Variants in PSMA1 observed in about 807,000 individuals in gnomAD.
PSMA1 encodes the protein proteasome subunit alpha type-1.
PSMA1 carries 3 observed loss-of-function variants against 38.4 expected under a neutral mutation model. The observed-to-expected ratio is 0.08, with a 90% confidence interval of 0.04 to 0.20. The LOEUF is 0.20. Among genes scored for constraint, PSMA1 ranks in the 10% least tolerant of loss-of-function variants. PSMA1 has a pLI of 1.00. For synonymous variants in PSMA1, 101 were observed against 107.1 expected (o/e 0.94, Z 0.35); for missense variants, 227 against 325.3 (o/e 0.70, Z 2.32).
At chr11:14,606,747 C>T (rs1852648232) in intron 2 of PSMA1, among the ~76,000 whole-genome samples, 1 of 152,190 alleles carries the variant, frequency 6.6e-6, no homozygotes, top group East Asian at 1.9e-4. Flanking sequence ...GAAGTTGATA[C>T]ACCTGTTTTC....
intron 2 of PSMA1, among the ~76,000 whole-genome samples, chr11:14,592,840 A>T (rs1043787470): frequency 6.6e-6 from 1 of 152,252 alleles, no homozygotes; most frequent in African/African-American, 2.4e-5. Context: ...GGTCTCAGAT[A>T]AAATGCCTTC....
intron 2 of PSMA1, among the ~76,000 whole-genome samples, chr11:14,608,748 A>T (rs1424359692): frequency 6.7e-6 from 1 of 148,398 alleles, no homozygotes; most frequent in African/African-American, 2.4e-5. Context: ...CATATTATGT[A>T]TAAAATATAT....
At chr11:14,627,289 G>C (rs539746233) in intron 1 of PSMA1, among the ~76,000 whole-genome samples, 2 of 152,256 alleles carry the variant, frequency 1.3e-5, no homozygotes, top group African/African-American at 4.8e-5. Context: ...TCGAAACTAT[G>C]CTGGTCTACC....
intron 2 of PSMA1, among the ~76,000 whole-genome samples, chr11:14,602,640 T>C (rs1249786285): frequency 1.3e-5 from 2 of 152,156 alleles, no homozygotes; most frequent in African/African-American, 2.4e-5. Flanking sequence ...GTACTAAAAA[T>C]GGCTGTTGGC....
chr11:14,582,059 G>C (rs1852287795), intron 2 of PSMA1, among the ~76,000 whole-genome samples: 1 of 152,098 alleles, frequency 6.6e-6, no homozygotes, highest in African/African-American at 2.4e-5. Context: ...GCAAATCAAG[G>C]TTTGGTTACC....
chr11:14,564,355 G>A (rs1391038421), intron 2 of PSMA1, among the ~76,000 whole-genome samples: 1 of 152,006 alleles, frequency 6.6e-6, no homozygotes, highest in African/African-American at 2.4e-5. Flanking sequence ...GATTCATCCA[G>A]GTTTTGCATG....
intron 4 of PSMA1, 26 bp downstream of exon 4, chr11:14,517,616 T>C (rs372958511): frequency 8.3e-6 from 12 of 1,453,912 alleles, no homozygotes; most frequent in African/African-American, 4.4e-5. Context: ...ACAAAAAGGA[T>C]GTTTATTTTT....
At chr11:14,542,076 ATAATTACT>A (rs1851778960) in intron 2 of PSMA1, among the ~76,000 whole-genome samples, 1 of 152,250 alleles carries the variant, frequency 6.6e-6, no homozygotes, top group African/African-American at 2.4e-5. Context: ...AATGCAAACT[ATAATTACT>A]TAATTTTGAA....
In PSMA1 at chr11:14,603,505, C is replaced by T. The variant is rs114374068; in HGVS notation, c.21+7461G>A. Among the ~76,000 whole-genome samples, 1,355 of 152,172 alleles carry T rather than the reference C, an allele frequency of 8.9e-3. 15 individuals are homozygous for T. The highest frequency in any genetic ancestry group is 0.031 in the African/African-American group (1,292 of 41,504). The stretch of plus-strand genomic sequence containing the variant: ...ATGGAAAAGTTGTTTTTTATTGCAC[C>T]CGATGAGTCCACTGACTCAAAGTGC... On this transcript the variant is annotated intron_variant, in intron 2 of 10. Coordinates refer to the PSMA1 transcript ENST00000418988.
Position 14,575,319 on chromosome 11 carries a change from T to A in PSMA1, c.21+35647A>T, listed in dbSNP as rs535399801. On this transcript the variant is annotated intron_variant, in intron 2 of 10. Coordinates refer to the PSMA1 transcript ENST00000418988. ...TACATATGCACAATGTGCAGGTTTG[T>A]TACATATGTATACATGTGCCATGTT... 2.8e-4 allele frequency among the ~76,000 whole-genome samples: 42 copies of A among 152,278 alleles called. No individual in the cohort carries two copies. The South Asian group carries it at 6.2e-3, about 23-fold the overall frequency.
intron 1 of PSMA1, among the ~76,000 whole-genome samples, chr11:14,629,541 A>G (rs1461827928): frequency 6.6e-6 from 1 of 151,972 alleles, no homozygotes; most frequent in Non-Finnish European, 1.5e-5. Context: ...CTGTTTTGGT[A>G]CCAGTACCAT....
chr11:14,546,677 C>G (rs1184738437), intron 2 of PSMA1, among the ~76,000 whole-genome samples: 1 of 152,296 alleles, frequency 6.6e-6, no homozygotes, highest in African/African-American at 2.4e-5. Context: ...ACCTCACAAT[C>G]TGCCCACCTT....
At chr11:14,626,584 A>C (rs566518401) in intron 1 of PSMA1, among the ~76,000 whole-genome samples, 2 of 152,200 alleles carry the variant, frequency 1.3e-5, no homozygotes, top group African/African-American at 4.8e-5. Flanking sequence ...AAAAATCAGC[A>C]TAAGATTTGG....
At chr11:14,596,941 GT>G (rs1019910690) in intron 2 of PSMA1, among the ~76,000 whole-genome samples, 2 of 152,204 alleles carry the variant, frequency 1.3e-5, no homozygotes, top group Non-Finnish European at 2.9e-5. Flanking sequence ...TTTATTGAAA[GT>G]TTTTAGCATG....
At chr11:14,543,594 T>C (rs191055952) in intron 2 of PSMA1, among the ~76,000 whole-genome samples, 42 of 152,152 alleles carry the variant, frequency 2.8e-4, no homozygotes, top group Admixed American at 2.6e-3. Flanking sequence ...TCAAATAATA[T>C]AATAACACCA....
At chr11:14,629,847 G>A (rs1030839490) in intron 1 of PSMA1, among the ~76,000 whole-genome samples, 1 of 152,014 alleles carries the variant, frequency 6.6e-6, no homozygotes, top group Non-Finnish European at 1.5e-5. Context: ...ATTTCCTTGA[G>A]CAGTGGTTTG....
At chr11:14,590,550 G>A (rs1026335266) in intron 2 of PSMA1, among the ~76,000 whole-genome samples, 24 of 152,274 alleles carry the variant, frequency 1.6e-4, no homozygotes, top group Middle Eastern at 6.8e-3. Context: ...ATGAACAGGG[G>A]CATCACTGCT....
chr11:14,564,460 T>C (rs923595244), intron 2 of PSMA1, among the ~76,000 whole-genome samples: 2 of 152,232 alleles, frequency 1.3e-5, no homozygotes, highest in Admixed American at 1.3e-4. Flanking sequence ...TATATCTGGA[T>C]TGCTTCCAGT....
At chr11:14,617,297 A>G (rs1237692007) in intron 1 of PSMA1, among the ~76,000 whole-genome samples, 1 of 152,232 alleles carries the variant, frequency 6.6e-6, no homozygotes, top group Non-Finnish European at 1.5e-5. Flanking sequence ...CCCCCAATGT[A>G]GCATCCCTAT....
Sources: allele counts gnomAD v4.1 joint callset (sites outside exome capture counted in the v4.1 genomes callset), GRCh38; gene constraint gnomAD v4.1.1; transcripts MANE v1.5; gene names NCBI Gene and HGNC (gene_info 2026-07-23, HGNC 2026-07-21).